Variants in SLCO1C1 observed in about 807,000 individuals in gnomAD.
The protein encoded by SLCO1C1 is solute carrier organic anion transporter family member 1C1, also known as OAT-RP-5.
A neutral mutation model predicts 76.4 loss-of-function variants in SLCO1C1; 70 were observed. The ratio of observed to expected loss-of-function variants is 0.92; its 90% CI spans 0.76 to 1.12. SLCO1C1 has a LOEUF of 1.12. Ranked by LOEUF, SLCO1C1 falls within the 50% of genes most tolerant of loss-of-function variation. SLCO1C1 has a pLI of 0.00. For missense variants in SLCO1C1, 912 were observed against 823.8 expected (o/e 1.11, Z -1.31); for synonymous variants, 306 against 286.1 (o/e 1.07, Z -0.70).
At chr12:20,711,645 T>C (rs1947107971) in intron 5 of SLCO1C1, 135 bp downstream of exon 5, 3 of 825,048 alleles carry the variant, frequency 3.6e-6, no homozygotes, top group Middle Eastern at 3.5e-4. Context: ...CACAGTACCA[T>C]AAAAATTCCT....
chr12:20,728,266 A>T (rs1438427271), intron 9 of SLCO1C1, among the ~76,000 whole-genome samples: 1 of 152,190 alleles, frequency 6.6e-6, no homozygotes, highest in African/African-American at 2.4e-5. Flanking sequence ...TTTATTGAAT[A>T]GGGAGTCCTT....
chr12:20,744,154 G>C (rs1307684835), intron 13 of SLCO1C1, among the ~76,000 whole-genome samples: 1 of 151,934 alleles, frequency 6.6e-6, no homozygotes, highest in Non-Finnish European at 1.5e-5. Flanking sequence ...AACAAAAATA[G>C]GGTTATATGG....
chr12:20,709,194 C>T (rs1334311241), intron 4 of SLCO1C1, among the ~76,000 whole-genome samples: 1 of 152,104 alleles, frequency 6.6e-6, no homozygotes, highest in Non-Finnish European at 1.5e-5. Flanking sequence ...ATATTAGTCC[C>T]CGATTTAAAT....
At chr12:20,740,540 T>C (rs932641537) in intron 12 of SLCO1C1, among the ~76,000 whole-genome samples, 172 bp downstream of exon 12, 1 of 151,666 alleles carries the variant, frequency 6.6e-6, no homozygotes, top group Non-Finnish European at 1.5e-5. Context: ...TATACAAAAA[T>C]GTGGCTGAAT....
Position 20,747,113 on chromosome 12 carries a change from T to C in SLCO1C1, c.1799-3562T>C, listed in dbSNP as rs73246896. ...AATTGAAATGACATGATGTTTGAGA[T>C]TGCCTTTAAAATATTAAAGTAAGAG... On this transcript the variant is annotated intron_variant, in intron 13 of 14. Transcript: ENST00000266509. 6.9e-3 allele frequency among the ~76,000 whole-genome samples: 1,050 copies of C among 152,298 alleles called. 14 individuals carry two copies. Among genetic ancestry groups the C allele is most frequent in the African/African-American group, 0.024 (999 of 41,566 alleles).
At chr12:20,701,917 T>G (rs1946546845) in intron 3 of SLCO1C1, among the ~76,000 whole-genome samples, 1 of 151,930 alleles carries the variant, frequency 6.6e-6, no homozygotes, top group African/African-American at 2.4e-5. Flanking sequence ...TTCCACCCAG[T>G]GGTCTAGAAA....
intron 7 of SLCO1C1, among the ~76,000 whole-genome samples, chr12:20,721,195 A>G (rs2120748677): frequency 6.6e-6 from 1 of 152,280 alleles, no homozygotes. Context: ...ATTGACTCCA[A>G]TTTTGAAAGA....
chr12:20,727,172 G>A (rs1340092061), intron 9 of SLCO1C1, among the ~76,000 whole-genome samples: 3 of 152,186 alleles, frequency 2.0e-5, no homozygotes, highest in African/African-American at 7.2e-5. Context: ...ATGGGTGCAT[G>A]TGTCCTTTTG....
intron 7 of SLCO1C1, among the ~76,000 whole-genome samples, chr12:20,718,300 T>C (rs919511579): frequency 6.6e-6 from 1 of 152,330 alleles, no homozygotes; most frequent in East Asian, 1.9e-4. Context: ...TCAAGGGCCA[T>C]GTGTTTATTT....
At chr12:20,713,709 T>C (rs1947242152) in intron 5 of SLCO1C1, among the ~76,000 whole-genome samples, 1 of 152,236 alleles carries the variant, frequency 6.6e-6, no homozygotes, top group African/African-American at 2.4e-5. Context: ...CTATCTGTGA[T>C]GATCGGAATG....
At chr12:20,737,754 A>T (rs1948616156) in intron 11 of SLCO1C1, among the ~76,000 whole-genome samples, 1 of 152,218 alleles carries the variant, frequency 6.6e-6, no homozygotes, top group Non-Finnish European at 1.5e-5. Flanking sequence ...CAACTTTGGA[A>T]AATCAAGCCA....
At chr12:20,720,319 C>A (rs1335030944) in intron 7 of SLCO1C1, among the ~76,000 whole-genome samples, 4 of 152,150 alleles carry the variant, frequency 2.6e-5, no homozygotes, top group East Asian at 1.9e-4. Context: ...AACATACCGT[C>A]CATTTTATAC....
At chr12:20,711,319 C>CAT in intron 4 of SLCO1C1, 67 bp from the exon 5 acceptor site, 5 of 1,538,688 alleles carry the variant, frequency 3.2e-6, no homozygotes, top group Non-Finnish European at 4.4e-6. Context: ...ATTCGTGTAG[C>CAT]ATACACATAA....
chr12:20,741,278 A>G (rs1262209780), intron 12 of SLCO1C1, among the ~76,000 whole-genome samples: 1 of 152,196 alleles, frequency 6.6e-6, no homozygotes, highest in African/African-American at 2.4e-5. Context: ...GAGCCAGACC[A>G]TATCAAGGAC....
At chr12:20,698,441 T>C (rs1946365748) in intron 1 of SLCO1C1, among the ~76,000 whole-genome samples, 1 of 152,098 alleles carries the variant, frequency 6.6e-6, no homozygotes, top group African/African-American at 2.4e-5. Context: ...AGTCCTCTGA[T>C]GTTTTAACTT....
intron 4 of SLCO1C1, 123 bp from the exon 5 acceptor site, chr12:20,711,263 G>A: frequency 9.0e-7 from 1 of 1,109,548 alleles, no homozygotes; most frequent in Non-Finnish European, 1.3e-6. Flanking sequence ...TTGATTTGGT[G>A]AATTAGGTTC....
chr12:20,722,110 A>C, intron 8 of SLCO1C1, 61 bp downstream of exon 8: 1 of 1,539,000 alleles, frequency 6.5e-7, no homozygotes. Flanking sequence ...AAGGAGATTT[A>C]TAAATTACAT....
chr12:20,719,554 C>T (rs1180021405), intron 7 of SLCO1C1, among the ~76,000 whole-genome samples: 1 of 152,072 alleles, frequency 6.6e-6, no homozygotes, highest in Non-Finnish European at 1.5e-5. Flanking sequence ...CTCCAGTAAA[C>T]ACATGAAAGA....
At chr12:20,709,458 AT>A (rs1946951432) in intron 4 of SLCO1C1, among the ~76,000 whole-genome samples, 1 of 152,226 alleles carries the variant, frequency 6.6e-6, no homozygotes, top group Non-Finnish European at 1.5e-5. Context: ...AAAATACTCC[AT>A]GATCACCATC....
Sources: gnomAD v4.1 joint callset for allele counts (sites outside exome capture counted in the v4.1 genomes callset) on GRCh38, gnomAD v4.1.1 for gene constraint, MANE v1.5 for transcripts, NCBI Gene and HGNC (gene_info 2026-07-23, HGNC 2026-07-21) for gene names.